Variants in DNAJC13 observed in about 807,000 individuals in gnomAD.
DNAJC13 encodes dnaJ homolog subfamily C member 13.
In DNAJC13, 75 loss-of-function variants were observed where a neutral mutation model predicts 290.5. That is an observed-to-expected ratio of 0.26 (90% CI 0.21 to 0.31). DNAJC13 has a LOEUF of 0.31. Among genes scored for constraint, DNAJC13 ranks in the 10% least tolerant of loss-of-function variants. DNAJC13 has a pLI of 1.00. For synonymous variants in DNAJC13, 862 were observed against 892.0 expected (o/e 0.97, Z 0.60); for missense variants, 2,260 against 2,674.5 (o/e 0.85, Z 3.42).
intron 2 of DNAJC13, among the ~76,000 whole-genome samples, chr3:132,437,860 A>C (rs79152208): frequency 0.11 from 15,980 of 151,974 alleles, 1,028 homozygotes; most frequent in South Asian, 0.17. Context: ...GCCCGGCCTG[A>C]CCAGCATGAT....
At chr3:132,488,218 C>T in intron 29 of DNAJC13, 80 bp from the exon 30 acceptor site, 2 of 1,316,666 alleles carry the variant, frequency 1.5e-6, no homozygotes, top group Middle Eastern at 1.9e-4. Flanking sequence ...GAGCTATAAC[C>T]TCAGCATATG....
chr3:132,528,153 T>G, intron 53 of DNAJC13, 36 bp from the exon 54 acceptor site: 1 of 1,605,040 alleles, frequency 6.2e-7, no homozygotes, highest in Non-Finnish European at 8.5e-7. Flanking sequence ...TTTGCATTTT[T>G]TCTGTGTGTT....
chr3:132,478,631 G>C (rs766375108), intron 24 of DNAJC13, among the ~76,000 whole-genome samples: 1 of 152,188 alleles, frequency 6.6e-6, no homozygotes, highest in South Asian at 2.1e-4. Flanking sequence ...ATTAGTGGAC[G>C]TGGTGGCATG....
Position 132,466,356 on chromosome 3 carries a change from G to A in DNAJC13, c.2026G>A (p.Asp676Asn). The change falls in exon 19 of 56, where the codon GAT (aspartate) becomes AAT (asparagine). Residue 676 changes from aspartate to asparagine, a missense_variant. Asp to Asn is a conservative substitution (Grantham distance 23). This residue lies in a region of DNAJC13 where 762 missense variants were observed against 964.1 expected (regional missense o/e 0.79). Transcript: ENST00000260818. ...AGATCTCGTACCTGAGAAGGATGCT[G>A]ATCGGATGCATGTTAGAGACAATGT... ...SSDLVPEKDA[D>N]RMHVRDNVKI... 1 of 1,602,730 alleles carries A rather than the reference G, an allele frequency of 6.2e-7. No homozygotes were observed.
chr3:132,481,482 A>G (rs1282833706), intron 26 of DNAJC13, among the ~76,000 whole-genome samples: 1 of 152,148 alleles, frequency 6.6e-6, no homozygotes, highest in Admixed American at 6.5e-5. Context: ...TTGAGGGGCT[A>G]AGGCAGGAGG....
intron 21 of DNAJC13, among the ~76,000 whole-genome samples, chr3:132,474,614 T>TTA (rs1559886033): frequency 6.6e-6 from 1 of 151,956 alleles, no homozygotes; most frequent in African/African-American, 2.4e-5. Flanking sequence ...TTTTTTTTTT[T>TTA]AATTCACACA....
chr3:132,449,315 A>G (rs1195071380), intron 5 of DNAJC13, among the ~76,000 whole-genome samples: 2 of 152,166 alleles, frequency 1.3e-5, no homozygotes, highest in Non-Finnish European at 2.9e-5. Context: ...TGATGCTTCC[A>G]TCAGCACATC....
intron 48 of DNAJC13, among the ~76,000 whole-genome samples, chr3:132,518,799 A>AT (rs1475685920): frequency 2.0e-5 from 3 of 152,130 alleles, no homozygotes; most frequent in Non-Finnish European, 4.4e-5. Flanking sequence ...TTTAGGTTTG[A>AT]CTTTCATCAA....
intron 24 of DNAJC13, among the ~76,000 whole-genome samples, chr3:132,478,520 A>G (rs1037509142): frequency 6.6e-6 from 1 of 152,250 alleles, no homozygotes; most frequent in Non-Finnish European, 1.5e-5. Flanking sequence ...AGAAGTGTGA[A>G]GATAGTAAAA....
intron 5 of DNAJC13, among the ~76,000 whole-genome samples, chr3:132,449,208 A>G (rs1216937517): frequency 6.6e-6 from 1 of 152,110 alleles, no homozygotes; most frequent in Non-Finnish European, 1.5e-5. Context: ...GCCTAAGTTG[A>G]ATTTGGCTCT....
At chr3:132,470,612 G>A (rs1325334580) in intron 20 of DNAJC13, among the ~76,000 whole-genome samples, 1 of 143,178 alleles carries the variant, frequency 7.0e-6, no homozygotes, top group African/African-American at 2.6e-5. Flanking sequence ...GGCCGGGCGG[G>A]GGGGCTGACC....
intron 44 of DNAJC13, among the ~76,000 whole-genome samples, chr3:132,512,535 G>A (rs1935808316): frequency 1.3e-5 from 2 of 152,122 alleles, no homozygotes; most frequent in African/African-American, 4.8e-5. Context: ...TTCATTTTAT[G>A]TATTTTCACA....
In DNAJC13 at chr3:132,457,136, A is replaced by G. The variant is rs1169018807; in HGVS notation, c.1350-133A>G. 6.7e-6 allele frequency: 5 copies of G among 740,808 alleles called. No individual in the cohort carries two copies. In the South Asian group the frequency reaches 6.8e-5, roughly 10 times the overall value. The allele number at this position is 740,808 out of a possible 1,614,324, so 45.9% of individuals were successfully genotyped here. On this transcript the variant is annotated intron_variant, in intron 12 of 55. Coordinates refer to ENST00000260818, the MANE Select transcript of DNAJC13 (RefSeq NM_015268.4). ...AAAAAACTATTATGAAGACTGATAAATTTCAGAGGTGGAATTTAAAATACG... is the reference window on the plus strand; with the variant it reads ...AAAAAACTATTATGAAGACTGATAAGTTTCAGAGGTGGAATTTAAAATACG...
At chr3:132,517,683 G>A (rs1288956376) in intron 48 of DNAJC13, among the ~76,000 whole-genome samples, 1 of 152,102 alleles carries the variant, frequency 6.6e-6, no homozygotes, top group East Asian at 1.9e-4. Flanking sequence ...GGGTAAGGAG[G>A]AGGCTAAGAT....
chr3:132,525,568 T>C, intron 51 of DNAJC13, 42 bp from the exon 52 acceptor site: 1 of 1,594,002 alleles, frequency 6.3e-7, no homozygotes. Context: ...TAGGGCTGTA[T>C]GAGTATTTTA....
Position 132,484,685 on chromosome 3 carries a change from A to C in DNAJC13, c.3267+13A>C. 23 of 1,601,160 alleles carry C rather than the reference A, an allele frequency of 1.4e-5. No individual in the cohort carries two copies. The highest frequency in any genetic ancestry group is 2.0e-5 in the Non-Finnish European group (23 of 1,168,272). ...CCATATTATTCAGGTGAGTTATGTAATCAAACTAGGAGCAATTTTAAGAAT... is the reference window on the plus strand; with the variant it reads ...CCATATTATTCAGGTGAGTTATGTACTCAAACTAGGAGCAATTTTAAGAAT... On this transcript the variant is annotated intron_variant, in intron 29 of 55. Coordinates refer to ENST00000260818, the MANE Select transcript of DNAJC13 (RefSeq NM_015268.4).
In DNAJC13 at chr3:132,525,687, G is replaced by T. The variant is rs141883610; in HGVS notation, c.6138G>T (p.Pro2046=). The T allele has an allele frequency of 1.9e-5, 30 of 1,614,046 alleles. No individual in the cohort carries two copies. The highest frequency in any genetic ancestry group is 1.7e-5 in the Admixed American group (1 of 60,004). ...AACCTCAGCTGGCAGATCAGGTCCCGCCATTGGGCCATCTTCCCAAAGTTA... is the reference window on the plus strand; with the variant it reads ...AACCTCAGCTGGCAGATCAGGTCCCTCCATTGGGCCATCTTCCCAAAGTTA... ...SAQPQLADQV[P]PLGHLPKVIQ... The change falls in exon 52 of 56, where the codon CCG becomes CCT. Residue 2046 remains proline (P), a synonymous_variant. Coordinates refer to ENST00000260818, the MANE Select transcript of DNAJC13 (RefSeq NM_015268.4).
intron 38 of DNAJC13, 28 bp from the exon 39 acceptor site, chr3:132,500,765 GT>G: frequency 1.2e-6 from 2 of 1,611,596 alleles, no homozygotes; most frequent in Non-Finnish European, 1.7e-6. Context: ...GACTCTACTG[GT>G]TTTTTTGCTC....
chr3:132,499,337 T>C (rs761371122), intron 37 of DNAJC13, 27 bp downstream of exon 37: 2 of 1,543,608 alleles, frequency 1.3e-6, no homozygotes, highest in Non-Finnish European at 1.8e-6. Context: ...TTTGTGCTTT[T>C]TAAGCCAGTT....
Sources: allele counts gnomAD v4.1 joint callset (sites outside exome capture counted in the v4.1 genomes callset), GRCh38; gene constraint gnomAD v4.1.1; regional missense constraint gnomAD v4.1.1; transcripts MANE v1.5; gene names NCBI Gene and HGNC (gene_info 2026-07-23, HGNC 2026-07-21).